Variants in PCDHA3 observed in about 807,000 individuals in gnomAD.
PCDHA3 encodes the protein protocadherin alpha 3.
PCDHA3 carries 41 observed loss-of-function variants against 62.2 expected under a neutral mutation model. The observed-to-expected ratio is 0.66, with a 90% CI of 0.51 to 0.86. PCDHA3 has a LOEUF of 0.86. Among genes scored for constraint, PCDHA3 ranks in the 40% least tolerant of loss-of-function variants. The pLI, the probability that PCDHA3 is intolerant of heterozygous loss-of-function variation, is 0.00. For missense variants in PCDHA3, 1,304 were observed against 1,241.2 expected, an observed-to-expected ratio of 1.05 and a Z score of -0.76; for synonymous variants, 640 against 555.4, an observed-to-expected ratio of 1.15 and a Z score of -2.14.
intron 1 of PCDHA3, chr5:140,834,759 A>T: frequency 6.2e-7 from 1 of 1,614,152 alleles, no homozygotes; most frequent in Non-Finnish European, 8.5e-7. Context: ...GGTGAAGGAC[A>T]TTAACGACAA....
At chr5:140,841,420 C>T in intron 1 of PCDHA3, 2 of 1,613,022 alleles carry the variant, frequency 1.2e-6, no homozygotes, top group African/African-American at 1.3e-5. Context: ...AGCTCCACTA[C>T]TCCGTCCCCG....
At chr5:140,806,378 C>T (rs1685025391) in intron 1 of PCDHA3, among the ~76,000 whole-genome samples, 1 of 152,144 alleles carries the variant, frequency 6.6e-6, no homozygotes, top group Non-Finnish European at 1.5e-5. Flanking sequence ...ATGAGAATAC[C>T]AGCGTTTCTC....
chr5:140,958,265 C>A (rs1010851166), intron 1 of PCDHA3, among the ~76,000 whole-genome samples: 1 of 151,680 alleles, frequency 6.6e-6, no homozygotes, highest in Admixed American at 6.6e-5. Flanking sequence ...TAATTTGGTA[C>A]AAGAAGTATA....
At chr5:140,950,168 T>C (rs2094454639) in intron 1 of PCDHA3, among the ~76,000 whole-genome samples, 1 of 151,996 alleles carries the variant, frequency 6.6e-6, no homozygotes, top group Non-Finnish European at 1.5e-5. Context: ...TTATGTACTT[T>C]AGAGAATTAA....
intron 3 of PCDHA3, among the ~76,000 whole-genome samples, chr5:140,997,598 TG>T (rs1182118908): frequency 6.6e-5 from 10 of 152,124 alleles, no homozygotes; most frequent in Admixed American, 2.0e-4. Context: ...AACATGATTA[TG>T]GGGCGCATGA....
Position 140,809,112 on chromosome 5 carries a change from C to T in PCDHA3, c.2394+5521C>T, listed in dbSNP as rs782204017. Reference sequence around the variant, plus strand: ...ACGCGTGCCCTGGACGAAACGGACGCTCCGCGCCACCGCCTACTGGTACTG... The same window carrying T: ...ACGCGTGCCCTGGACGAAACGGACGTTCCGCGCCACCGCCTACTGGTACTG... On this transcript the variant is annotated intron_variant, in intron 1 of 3. Transcript: ENST00000522353. The T allele has an allele frequency of 1.2e-6, 2 of 1,613,970 alleles. No homozygotes were observed. The highest frequency in any genetic ancestry group is 8.5e-7 in the Non-Finnish European group (1 of 1,179,920).
chr5:140,802,945 G>T lies in PCDHA3; in HGVS notation c.1748G>T (p.Arg583Leu), dbSNP rs782172179. ...GGCGCAGTGAGCGAGCTGGTGCCGC[G>T]GTCAGTGGGTGCGGGCCACGTGGTA... ...IGGAVSELVP[R>L]SVGAGHVVAK... Residue 583 changes from arginine (R) to leucine (L), a missense_variant, in exon 1 of 4, where the codon CGG becomes CTG. Transcript: ENST00000522353. The T allele has an allele frequency of 7.4e-6, 12 of 1,613,774 alleles. No homozygotes were observed. The African/African-American group carries it at 1.3e-4, about 18-fold the overall frequency.
At chr5:140,857,653 C>A (rs1466552947) in intron 1 of PCDHA3, 6 of 1,596,508 alleles carry the variant, frequency 3.8e-6, no homozygotes, top group Non-Finnish European at 5.1e-6. Flanking sequence ...TCCAGGTGAG[C>A]GCGCGCGATG....
intron 1 of PCDHA3, chr5:140,821,721 C>T: frequency 2.7e-6 from 4 of 1,501,544 alleles, no homozygotes; most frequent in Non-Finnish European, 2.7e-6. Flanking sequence ...ATTGAATTTA[C>T]AAAATACATT....
intron 1 of PCDHA3, chr5:140,808,430 C>G (rs782400993): frequency 8.1e-6 from 13 of 1,614,128 alleles, no homozygotes; most frequent in Non-Finnish European, 1.0e-5. Flanking sequence ...TGCCCTGGAC[C>G]GCGAGAGCGT....
chr5:140,883,137 T>C (rs2153390787), intron 1 of PCDHA3: 1 of 1,614,036 alleles, frequency 6.2e-7, no homozygotes, highest in Admixed American at 1.7e-5. Flanking sequence ...CCTGCAGTGG[T>C]ATATGCATTT....
intron 1 of PCDHA3, chr5:140,821,931 G>C: frequency 1.2e-6 from 2 of 1,614,176 alleles, no homozygotes; most frequent in Non-Finnish European, 8.5e-7. Context: ...AGGACCTAGG[G>C]CTGGAGCTGG....
chr5:140,888,647 T>C (rs781796685), intron 1 of PCDHA3, among the ~76,000 whole-genome samples: 2 of 152,244 alleles, frequency 1.3e-5, no homozygotes, highest in African/African-American at 2.4e-5. Context: ...AATACTTTCC[T>C]GAGGACACCA....
intron 1 of PCDHA3, among the ~76,000 whole-genome samples, chr5:140,934,826 A>C (rs556197038): frequency 1.1e-4 from 17 of 152,294 alleles, no homozygotes; most frequent in South Asian, 1.0e-3. Context: ...TAACTTTGGC[A>C]AGTTGGGAAC....
At chr5:140,957,473 GA>G (rs1446179332) in intron 1 of PCDHA3, among the ~76,000 whole-genome samples, 1 of 151,954 alleles carries the variant, frequency 6.6e-6, no homozygotes, top group Non-Finnish European at 1.5e-5. Context: ...GTATGTATAG[GA>G]AAAAACATAG....
chr5:140,854,562 C>G (rs1316320721), intron 1 of PCDHA3: 1 of 149,730 alleles, frequency 6.7e-6, no homozygotes, highest in Non-Finnish European at 1.5e-5. Flanking sequence ...AATATTGTTG[C>G]TCTGTCATTC....
At chr5:140,805,440 T>C (rs1763570370) in intron 1 of PCDHA3, 19 of 1,049,118 alleles carry the variant, frequency 1.8e-5, no homozygotes, top group Non-Finnish European at 2.2e-5. Context: ...TTGGTTTTTG[T>C]GTGTGTGTGT....
chr5:140,862,554 A>G, intron 1 of PCDHA3: 3 of 464,416 alleles, frequency 6.5e-6, no homozygotes, highest in Non-Finnish European at 1.3e-5. Context: ...GTGGCCGAAC[A>G]GTGAACCACA....
chr5:140,924,318 G>C (rs550515387), intron 1 of PCDHA3, among the ~76,000 whole-genome samples: 71 of 152,282 alleles, frequency 4.7e-4, no homozygotes, highest in African/African-American at 1.3e-3. Context: ...AATTTTATCT[G>C]AGACTTGGTG....
Sources: allele counts gnomAD v4.1 joint callset (sites outside exome capture counted in the v4.1 genomes callset), GRCh38; gene constraint gnomAD v4.1.1; transcripts MANE v1.5; gene names NCBI Gene and HGNC (gene_info 2026-07-23, HGNC 2026-07-21).